CYP51A1: variants seen among roughly 807,000 people sequenced by gnomAD.
CYP51A1 encodes the protein cytochrome P450 family 51 subfamily A member 1, also known as lanosterol 14-alpha demethylase.
CYP51A1 carries 45 observed loss-of-function variants against 53.5 expected under a neutral mutation model. That is an observed-to-expected ratio of 0.84 (90% CI 0.66 to 1.08). The LOEUF (loss-of-function observed/expected upper bound fraction) is 1.08, where lower values mean the gene tolerates loss of function less well. CYP51A1 is among the 50% of genes least tolerant of loss of function. The pLI is 0.00. For missense variants in CYP51A1, 462 were observed against 621.7 expected, an observed-to-expected ratio of 0.74 and a Z score of 2.73; for synonymous variants, 181 against 217.7, an observed-to-expected ratio of 0.83 and a Z score of 1.48.
At chr7:92,129,625 GT>G (rs1400178231) in intron 2 of CYP51A1, among the ~76,000 whole-genome samples, 1 of 151,912 alleles carries the variant, frequency 6.6e-6, no homozygotes, top group African/African-American at 2.4e-5. Flanking sequence ...TTCCCTTGCA[GT>G]TTTCTGGTTA....
At chr7:92,120,111 TGAAA>T (rs1465966654) in intron 7 of CYP51A1, among the ~76,000 whole-genome samples, 1 of 152,150 alleles carries the variant, frequency 6.6e-6, no homozygotes, top group East Asian at 1.9e-4. Flanking sequence ...AAAACATTGT[TGAAA>T]GAAATTAAAG....
chr7:92,131,203 A>G (rs1232122157), intron 2 of CYP51A1, among the ~76,000 whole-genome samples: 1 of 152,236 alleles, frequency 6.6e-6, no homozygotes, highest in Non-Finnish European at 1.5e-5. Flanking sequence ...GCACAAGCAA[A>G]CCAGGAGACG....
Position 92,134,343 on chromosome 7 carries a change from G to C in CYP51A1, c.22C>G (p.Leu8Val), listed in dbSNP as rs759186637. 2 of 1,588,944 alleles carry C rather than the reference G, an allele frequency of 1.3e-6. No individual in the cohort carries two copies. Among genetic ancestry groups the C allele is most frequent in the South Asian group, 1.1e-5 (1 of 89,442 alleles). Residue 8 changes from leucine to valine, a missense_variant, in exon 1 of 10, where the codon CTG becomes GTG. Leu to Val is a conservative substitution (Grantham distance 32, BLOSUM62 1). Transcript: ENST00000003100. ...CCCGCCTGCAGCAAGCCCAGCAGCA[G>C]CATCCCAGCCGCCGCCGCCATTCAC... The part of the protein sequence containing the change: MAAAAGM[L>V]LLGLLQAGGS...
intron 5 of CYP51A1, among the ~76,000 whole-genome samples, chr7:92,124,109 T>A (rs1584634618): frequency 6.6e-6 from 1 of 152,194 alleles, no homozygotes; most frequent in South Asian, 2.1e-4. Context: ...CTTAACACAT[T>A]GCCTGTGTTC....
At chr7:92,127,653 G>A (rs1408412061) in intron 3 of CYP51A1, 22 bp from the exon 4 acceptor site, 1 of 1,612,350 alleles carries the variant, frequency 6.2e-7, no homozygotes, top group Non-Finnish European at 8.5e-7. Flanking sequence ...TTCAAAACGG[G>A]GATACGGCAT....
intron 7 of CYP51A1, among the ~76,000 whole-genome samples, chr7:92,120,336 C>A (rs761963398): frequency 1.3e-5 from 2 of 152,230 alleles, no homozygotes; most frequent in Non-Finnish European, 2.9e-5. Flanking sequence ...AGAGGACTCA[C>A]ACTCCCGAAT....
chr7:92,123,718 T>C lies in CYP51A1; in HGVS notation c.890+16A>G, dbSNP rs1433050843. On this transcript the variant is annotated intron_variant, in intron 6 of 9. Coordinates refer to ENST00000003100, the MANE Select transcript of CYP51A1 (RefSeq NM_000786.4). The stretch of plus-strand genomic sequence containing the variant: ...TTTCCTGCTTCAGCTTAATATGTTA[T>C]CTGAATAGCTCTTACTTGTATGTAG... 6.3e-6 allele frequency: 10 copies of C among 1,585,410 alleles called. No individual in the cohort carries two copies. Among genetic ancestry groups the C allele is most frequent in the African/African-American group, 2.7e-5 (2 of 73,150 alleles).
chr7:92,132,538 C>A (rs1007782091), intron 1 of CYP51A1, among the ~76,000 whole-genome samples: 1 of 152,032 alleles, frequency 6.6e-6, no homozygotes, highest in Non-Finnish European at 1.5e-5. Flanking sequence ...ATGTGGAATT[C>A]GTGTCCCCAG....
chr7:92,123,915 C>T, intron 5 of CYP51A1, 62 bp from the exon 6 acceptor site: 7 of 1,386,680 alleles, frequency 5.0e-6, no homozygotes, highest in Non-Finnish European at 6.8e-6. Flanking sequence ...GGATCAAATT[C>T]ATTTTGAGAA....
intron 7 of CYP51A1, among the ~76,000 whole-genome samples, chr7:92,122,147 T>A (rs1395152926): frequency 6.6e-6 from 1 of 151,450 alleles, no homozygotes; most frequent in Non-Finnish European, 1.5e-5. Context: ...CTACTGAAAC[T>A]GACATAAGAA....
intron 2 of CYP51A1, 148 bp from the exon 3 acceptor site, chr7:92,129,204 T>C: frequency 2.0e-6 from 1 of 497,730 alleles, no homozygotes; most frequent in Non-Finnish European, 3.5e-6. Flanking sequence ...GCCATACTCC[T>C]CCTTCCTTTG....
At chr7:92,120,493 G>A (rs1268861516) in intron 7 of CYP51A1, among the ~76,000 whole-genome samples, 2 of 152,136 alleles carry the variant, frequency 1.3e-5, no homozygotes, top group Non-Finnish European at 2.9e-5. Context: ...TCGCTATGTT[G>A]CCCAGGCTGG....
At chr7:92,125,989 C>T (rs546100046) in intron 5 of CYP51A1, among the ~76,000 whole-genome samples, 23 of 152,166 alleles carry the variant, frequency 1.5e-4, no homozygotes, top group Middle Eastern at 3.4e-3. Flanking sequence ...AGCAAGACTC[C>T]ATCTCAAAAA....
chr7:92,124,517 A>T (rs1819754774), intron 5 of CYP51A1, among the ~76,000 whole-genome samples: 2 of 152,190 alleles, frequency 1.3e-5, no homozygotes, highest in Admixed American at 1.3e-4. Flanking sequence ...TTGGAGCTGG[A>T]ATTTAAAACT....
intron 9 of CYP51A1, among the ~76,000 whole-genome samples, chr7:92,115,338 A>G (rs34283834): frequency 2.0e-5 from 3 of 152,194 alleles, no homozygotes; most frequent in African/African-American, 7.2e-5. Flanking sequence ...AGATGAGATG[A>G]CCCTGACTTA....
At chr7:92,120,921 A>G (rs1414124115) in intron 7 of CYP51A1, among the ~76,000 whole-genome samples, 1 of 152,228 alleles carries the variant, frequency 6.6e-6, no homozygotes, top group African/African-American at 2.4e-5. Context: ...ACATTTCTCC[A>G]AAGAAGTATA....
At position 92,133,975 on chromosome 7, in the gene CYP51A1, C is replaced by A. The variant is rs576766117; in HGVS notation, c.192+198G>T. The stretch of plus-strand genomic sequence containing the variant: ...ATGGCGGGTGCTACAGCCAGCGCCA[C>A]CAGCAGCAGTGCCGCCGCCGCAGCC... On this transcript the variant is annotated intron_variant, in intron 1 of 9. Coordinates refer to ENST00000003100, the MANE Select transcript of CYP51A1 (RefSeq NM_000786.4). 7.9e-5 allele frequency among the ~76,000 whole-genome samples: 12 copies of A among 152,334 alleles called. No individual in the cohort carries two copies. In the East Asian group the frequency reaches 2.1e-3, roughly 27 times the overall value.
intron 5 of CYP51A1, 34 bp from the exon 6 acceptor site, chr7:92,123,887 T>A (rs1208136029): frequency 6.6e-7 from 1 of 1,522,876 alleles, no homozygotes; most frequent in South Asian, 1.3e-5. Flanking sequence ...TTTTCTTAAA[T>A]AAAGAAATAA....
rs1181883284 is a variant in CYP51A1, at chr7:92,112,420, T to C, written c.*1245A>G. The C allele has an allele frequency of 6.6e-6, 1 of 152,258 alleles. No homozygotes were observed. Among genetic ancestry groups the C allele is most frequent in the Admixed American group, 6.5e-5 (1 of 15,288 alleles). The allele number at this position is 152,258 out of a possible 1,614,324, so 9.4% of individuals were successfully genotyped here. On this transcript the variant is annotated 3_prime_UTR_variant, in exon 10 of 10. Coordinates refer to ENST00000003100, the MANE Select transcript of CYP51A1 (RefSeq NM_000786.4). ...AATTTTATTACTCCCAAGGACCTTG[T>C]TTCAGATTATCTTAAAACCAGAGTT...
Sources: allele counts gnomAD v4.1 joint callset (sites outside exome capture counted in the v4.1 genomes callset), GRCh38; gene constraint gnomAD v4.1.1; transcripts MANE v1.5; gene names NCBI Gene and HGNC (gene_info 2026-07-23, HGNC 2026-07-21).